Variants in DCC observed in about 807,000 individuals in gnomAD.
DCC encodes the protein DCC netrin 1 receptor.
A neutral mutation model predicts 172.5 loss-of-function variants in DCC; 58 were observed. The ratio of observed to expected loss-of-function variants is 0.34; its 90% CI spans 0.27 to 0.42. The LOEUF (loss-of-function observed/expected upper bound fraction) is 0.42, where lower values mean the gene tolerates loss of function less well. Among genes scored for constraint, DCC ranks in the 10% least tolerant of loss-of-function variants. The probability of loss-of-function intolerance (pLI) is 1.00; values close to 1 mark genes in which losing one functional copy is unlikely to be tolerated. For missense variants in DCC, 1,740 were observed against 1,791.0 expected (o/e 0.97, Z 0.51); for synonymous variants, 709 against 644.5 (o/e 1.10, Z -1.52).
At chr18:52,903,638 G>A (rs1015220419) in intron 2 of DCC, among the ~76,000 whole-genome samples, 3 of 152,138 alleles carry the variant, frequency 2.0e-5, no homozygotes, top group Non-Finnish European at 4.4e-5. Flanking sequence ...TACATAACTT[G>A]TGTATATTGG....
chr18:52,937,367 T>C (rs1432707910), intron 5 of DCC, among the ~76,000 whole-genome samples: 3 of 152,182 alleles, frequency 2.0e-5, no homozygotes, highest in Non-Finnish European at 4.4e-5. Context: ...AACACAATTA[T>C]TTTTGTACCA....
intron 3 of DCC, among the ~76,000 whole-genome samples, chr18:52,917,076 A>T (rs2040051853): frequency 7.0e-6 from 1 of 142,342 alleles, no homozygotes; most frequent in South Asian, 2.2e-4. Flanking sequence ...TGAGCTCAAG[A>T]GTTTGAGACC....
intron 5 of DCC, among the ~76,000 whole-genome samples, chr18:52,980,283 AT>A (rs200331597): frequency 1.9e-4 from 29 of 151,282 alleles, no homozygotes; most frequent in African/African-American, 6.5e-4. Context: ...ATTTTATTTT[AT>A]TTTTTTTTAG....
chr18:52,716,199 C>A (rs2036380403), intron 1 of DCC, among the ~76,000 whole-genome samples: 1 of 152,244 alleles, frequency 6.6e-6, no homozygotes, highest in Non-Finnish European at 1.5e-5. Context: ...TGCAGAGCAG[C>A]GAGATCCCAG....
intron 1 of DCC, among the ~76,000 whole-genome samples, chr18:52,573,881 C>T (rs540048617): frequency 7.0e-4 from 106 of 152,290 alleles, no homozygotes; most frequent in Non-Finnish European, 9.4e-4. Context: ...CTTAGGATGA[C>T]CACCTCTTAT....
chr18:53,121,168 T>C (rs538666627), intron 7 of DCC, among the ~76,000 whole-genome samples: 126 of 151,586 alleles, frequency 8.3e-4, no homozygotes, highest in African/African-American at 2.9e-3. Flanking sequence ...GTGAGAAAAA[T>C]TAGAAAAGAG....
intron 25 of DCC, among the ~76,000 whole-genome samples, chr18:53,486,262 T>C (rs1336264520): frequency 6.6e-6 from 1 of 152,216 alleles, no homozygotes; most frequent in African/African-American, 2.4e-5. Context: ...GATTTGGGTA[T>C]TTGAAGATAT....
At chr18:52,427,815 T>TCTTCCTTTCTTCCTTCCTTC (rs1987481106) in intron 1 of DCC, among the ~76,000 whole-genome samples, 15 of 113,100 alleles carry the variant, frequency 1.3e-4, no homozygotes, top group African/African-American at 5.7e-4. Flanking sequence ...TTTCTTCCTT[T>TCTTCCTTTCTTCCTTCCTTC]CTTCCTTCCT....
chr18:52,591,617 A>G (rs2033800981), intron 1 of DCC, among the ~76,000 whole-genome samples: 1 of 151,710 alleles, frequency 6.6e-6, no homozygotes, highest in Non-Finnish European at 1.5e-5. Flanking sequence ...CACTGTTCAA[A>G]TTATTATTAT....
chr18:53,151,233 G>C (rs1272580151), intron 7 of DCC, among the ~76,000 whole-genome samples: 1 of 152,114 alleles, frequency 6.6e-6, no homozygotes, highest in Non-Finnish European at 1.5e-5. Context: ...TAGGTATCTG[G>C]AAACAGAATA....
chr18:52,848,296 A>G (rs1212955247), intron 2 of DCC, among the ~76,000 whole-genome samples: 1 of 152,086 alleles, frequency 6.6e-6, no homozygotes, highest in Non-Finnish European at 1.5e-5. Flanking sequence ...CATGTTGGCC[A>G]GGCTAGTCTC....
chr18:52,423,676 T>G (rs1006265608), intron 1 of DCC, among the ~76,000 whole-genome samples: 4 of 152,274 alleles, frequency 2.6e-5, no homozygotes, highest in African/African-American at 7.2e-5. Flanking sequence ...CAAATCAAAC[T>G]TCTGTAATCT....
chr18:53,282,429 G>T (rs1309191941), intron 12 of DCC, among the ~76,000 whole-genome samples: 1 of 152,084 alleles, frequency 6.6e-6, no homozygotes, highest in Admixed American at 6.6e-5. Flanking sequence ...AGGCAAGAAG[G>T]CTTCTTGGAG....
intron 2 of DCC, among the ~76,000 whole-genome samples, chr18:52,761,214 T>C (rs985280164): frequency 6.6e-5 from 10 of 152,090 alleles, no homozygotes; most frequent in African/African-American, 2.4e-4. Context: ...GCAAGGTAAC[T>C]CCCCTTTTTA....
intron 23 of DCC, among the ~76,000 whole-genome samples, chr18:53,451,623 G>A (rs2045414129): frequency 6.6e-6 from 1 of 151,998 alleles, no homozygotes; most frequent in East Asian, 1.9e-4. Context: ...ATAGGTGGCT[G>A]GTTTGACAAC....
chr18:52,461,341 C>T (rs936275889), intron 1 of DCC, among the ~76,000 whole-genome samples: 1 of 152,086 alleles, frequency 6.6e-6, no homozygotes, highest in East Asian at 1.9e-4. Context: ...GGGAATACCC[C>T]CCGAAGGACT....
At chr18:52,410,222 G>C (rs1276970381) in intron 1 of DCC, among the ~76,000 whole-genome samples, 1 of 152,140 alleles carries the variant, frequency 6.6e-6, no homozygotes, top group Non-Finnish European at 1.5e-5. Flanking sequence ...CTAGAAGTTT[G>C]AGACCACTCT....
intron 22 of DCC, among the ~76,000 whole-genome samples, chr18:53,450,022 T>C (rs550538032): frequency 6.6e-6 from 1 of 152,204 alleles, no homozygotes; most frequent in South Asian, 2.1e-4. Context: ...GTGTCTGGCT[T>C]CTCTCACTTA....
intron 1 of DCC, among the ~76,000 whole-genome samples, chr18:52,395,138 A>T (rs887493247): frequency 3.9e-5 from 6 of 152,072 alleles, no homozygotes; most frequent in Non-Finnish European, 8.8e-5. Flanking sequence ...TGAAGTTGCT[A>T]ACCTGAGCTT....
Sources: allele counts gnomAD v4.1 joint callset (sites outside exome capture counted in the v4.1 genomes callset), GRCh38; gene constraint gnomAD v4.1.1; transcripts MANE v1.5; gene names NCBI Gene and HGNC (gene_info 2026-07-23, HGNC 2026-07-21).